PCDHA9: variants seen among roughly 807,000 people sequenced by gnomAD.
PCDHA9 encodes the protein protocadherin alpha-9.
Under a neutral mutation model 62.0 loss-of-function variants are expected in PCDHA9, and 62 were observed. The ratio of observed to expected loss-of-function variants is 1.00; its 90% CI spans 0.81 to 1.23. The LOEUF (loss-of-function observed/expected upper bound fraction) is 1.23, where lower values mean the gene tolerates loss of function less well. Ranked by LOEUF, PCDHA9 falls within the 50% of genes most tolerant of loss-of-function variation. The pLI is 0.00. For synonymous variants in PCDHA9, 557 were observed against 567.6 expected (o/e 0.98, Z 0.27); for missense variants, 1,205 against 1,249.8 (o/e 0.96, Z 0.54).
intron 3 of PCDHA9, among the ~76,000 whole-genome samples, chr5:141,005,774 G>A (rs2098239231): frequency 1.4e-5 from 2 of 144,252 alleles, no homozygotes; most frequent in Non-Finnish European, 3.0e-5. Flanking sequence ...AACCAGATGT[G>A]TAAAGATCCT....
At chr5:140,870,383 G>A (rs2051950706) in intron 1 of PCDHA9, 20 of 1,614,242 alleles carry the variant, frequency 1.2e-5, no homozygotes, top group Non-Finnish European at 1.7e-5. Flanking sequence ...GTGACTGCGC[G>A]GGATGGGGGT....
Position 140,853,252 on chromosome 5 carries a change from C to T in PCDHA9, c.2394+2363C>T. 3 of 974,906 alleles carry T rather than the reference C, an allele frequency of 3.1e-6. 1 individual carries two copies. 60.4% of individuals were successfully genotyped at this position (974,906 alleles called of 1,614,324 possible). On this transcript the variant is annotated intron_variant, in intron 1 of 3. Transcript: ENST00000532602. ...TTAGTCCTTCATATTAATCTCTATT[C>T]TCTCTCAGAGTACAAGCTCTCATCA...
At chr5:140,947,969 C>T (rs1159851699) in intron 1 of PCDHA9, among the ~76,000 whole-genome samples, 1 of 151,182 alleles carries the variant, frequency 6.6e-6, no homozygotes, top group African/African-American at 2.4e-5. Context: ...TAAGTATGTG[C>T]TACTCATAGG....
At chr5:140,851,069 A>T in intron 1 of PCDHA9, 180 bp downstream of exon 1, 1 of 1,353,390 alleles carries the variant, frequency 7.4e-7, no homozygotes, top group Non-Finnish European at 9.7e-7. Flanking sequence ...TCTAGTGAGA[A>T]TTATAAACTG....
At chr5:140,861,541 A>C (rs2046969106) in intron 1 of PCDHA9, 1 of 426,724 alleles carries the variant, frequency 2.3e-6, no homozygotes, top group Admixed American at 2.3e-5. Context: ...TGCAGCATCC[A>C]CCTGGAAGTG....
chr5:140,916,068 C>G (rs928159450), intron 1 of PCDHA9, among the ~76,000 whole-genome samples: 1 of 152,166 alleles, frequency 6.6e-6, no homozygotes, highest in African/African-American at 2.4e-5. Context: ...TCCCTGTGGC[C>G]AGTACTACCA....
At chr5:140,943,613 C>G (rs1490811039) in intron 1 of PCDHA9, among the ~76,000 whole-genome samples, 1 of 152,026 alleles carries the variant, frequency 6.6e-6, no homozygotes, top group African/African-American at 2.4e-5. Context: ...GACTTTGATT[C>G]ATCTGCATAA....
At chr5:140,857,932 C>A (rs1393571264) in intron 1 of PCDHA9, 1 of 1,597,630 alleles carries the variant, frequency 6.3e-7, no homozygotes, top group African/African-American at 1.3e-5. Flanking sequence ...TGTACACGGG[C>A]GAGATCAGTA....
intron 1 of PCDHA9, among the ~76,000 whole-genome samples, chr5:140,900,358 A>C (rs2067968295): frequency 6.6e-6 from 1 of 151,358 alleles, no homozygotes. Flanking sequence ...GCTCACCGCA[A>C]CCTCTGCCTC....
intron 1 of PCDHA9, among the ~76,000 whole-genome samples, chr5:140,872,410 T>A (rs2053645814): frequency 6.6e-6 from 1 of 152,110 alleles, no homozygotes; most frequent in South Asian, 2.1e-4. Flanking sequence ...GAGAATTGCT[T>A]GAGCCCAAGA....
In PCDHA9 at chr5:140,849,879, G is replaced by T. The variant is rs1554143450; in HGVS notation, c.1384G>T (p.Val462Leu). The T allele has an allele frequency of 1.3e-6, 2 of 1,598,636 alleles. No homozygotes were observed. The highest frequency in any genetic ancestry group is 1.7e-5 in the Admixed American group (1 of 59,306). The change falls in exon 1 of 4, where the codon GTG (valine) becomes TTG (leucine). Residue 462 changes from valine (V) to leucine (L), a missense_variant. Physicochemically the swap from Val to Leu is conservative, Grantham distance 32. Coordinates refer to ENST00000532602, the MANE Select transcript of PCDHA9 (RefSeq NM_031857.2). ...AGCGTTCGCGCAGTCCGAGTACACG[G>T]TGTTCGTGAAGGAGAACAACCCGCC... Reference protein sequence around the residue: ...APAFAQSEYTVFVKENNPPGC... With the variant: ...APAFAQSEYTLFVKENNPPGC...
intron 1 of PCDHA9, among the ~76,000 whole-genome samples, chr5:140,855,631 C>T (rs1193422916): frequency 1.3e-5 from 2 of 149,640 alleles, no homozygotes; most frequent in African/African-American, 4.9e-5. Flanking sequence ...TGAAATTCGG[C>T]TATTGATAAT....
intron 1 of PCDHA9, chr5:140,861,479 T>C: frequency 2.0e-6 from 1 of 490,568 alleles, no homozygotes; most frequent in Non-Finnish European, 4.2e-6. Context: ...AGAATGGCAT[T>C]TTTGTGAGTT....
At chr5:141,008,425 A>G (rs1195605563) in intron 3 of PCDHA9, among the ~76,000 whole-genome samples, 2 of 152,172 alleles carry the variant, frequency 1.3e-5, no homozygotes, top group East Asian at 1.9e-4. Context: ...CACTGGGATC[A>G]CTTTGCCCAG....
rs2150426355 is a variant in PCDHA9 at position 140,848,954 on chromosome 5, A to G, written c.459A>G (p.Pro153=). 23 of 1,606,754 alleles carry G rather than the reference A, an allele frequency of 1.4e-5. No homozygotes were observed. Among genetic ancestry groups the G allele is most frequent in the Admixed American group, 5.1e-5 (3 of 59,078 alleles). ...CCAGGCCGCTTGACTCTCGGTTTCC[A>G]CTAGAGGGCGCGTCCGATGCAGATA... ...AESRPLDSRF[P]LEGASDADIG... is the part of the protein sequence containing the mutation. The change falls in exon 1 of 4, where the codon CCA becomes CCG. Residue 153 remains proline, a synonymous_variant. Coordinates refer to ENST00000532602, the MANE Select transcript of PCDHA9 (RefSeq NM_031857.2).
rs782736508 is a variant in PCDHA9 at position 140,857,757 on chromosome 5, G to A, written c.2394+6868G>A. ...CCCGCGCTGCTGGCGTCTCCCGCTGGCAGCGCGGGCGGTGCAGTCAGTGAG... is the reference window on the plus strand; with the variant it reads ...CCCGCGCTGCTGGCGTCTCCCGCTGACAGCGCGGGCGGTGCAGTCAGTGAG... On this transcript the variant is annotated intron_variant, in intron 1 of 3. Coordinates refer to ENST00000532602, the MANE Select transcript of PCDHA9 (RefSeq NM_031857.2). 1.2e-5 allele frequency: 19 copies of A among 1,597,402 alleles called. No individual in the cohort carries two copies. In the East Asian group the frequency reaches 4.0e-4, roughly 34 times the overall value.
intron 3 of PCDHA9, among the ~76,000 whole-genome samples, chr5:140,987,740 A>G (rs1454887233): frequency 6.6e-6 from 1 of 152,078 alleles, no homozygotes; most frequent in Admixed American, 6.5e-5. Flanking sequence ...CAAAATTTAG[A>G]CCCAGGTTGT....
chr5:140,909,496 G>C (rs1554193832), intron 1 of PCDHA9, among the ~76,000 whole-genome samples: 1 of 152,168 alleles, frequency 6.6e-6, no homozygotes, highest in African/African-American at 2.4e-5. Context: ...GCTGAACGGG[G>C]ATGTGGTGGG....
At position 140,850,815 on chromosome 5, in the gene PCDHA9, C is replaced by A. The variant is rs2041835353; in HGVS notation, c.2320C>A (p.Pro774Thr). ...KQKTDLMAFS[P>T]GLSPCAGSTE... ...GAAGACCGACCTCATGGCCTTCAGCCCGGGCCTTTCTCCTTGTGCTGGATC... is the reference window on the plus strand; with the variant it reads ...GAAGACCGACCTCATGGCCTTCAGCACGGGCCTTTCTCCTTGTGCTGGATC... The change falls in exon 1 of 4, where the codon CCG (proline) becomes ACG (threonine). Residue 774 changes from proline (P) to threonine (T), a missense_variant. Coordinates refer to ENST00000532602, the MANE Select transcript of PCDHA9 (RefSeq NM_031857.2). 1 of 1,598,236 alleles carries A rather than the reference C, an allele frequency of 6.3e-7. No individual in the cohort carries two copies. Among genetic ancestry groups the A allele is most frequent in the East Asian group, 2.2e-5 (1 of 44,848 alleles).
Sources: gnomAD v4.1 joint callset for allele counts (sites outside exome capture counted in the v4.1 genomes callset) on GRCh38, gnomAD v4.1.1 for gene constraint, MANE v1.5 for transcripts, NCBI Gene and HGNC (gene_info 2026-07-23, HGNC 2026-07-21) for gene names.